PSMD12: variants seen among roughly 807,000 people sequenced by gnomAD.
The protein encoded by PSMD12 is proteasome 26S subunit, non-ATPase 12.
PSMD12 carries 8 observed loss-of-function variants against 62.9 expected under a neutral mutation model. The ratio of observed to expected loss-of-function variants is 0.13; its 90% CI spans 0.07 to 0.23. The LOEUF (loss-of-function observed/expected upper bound fraction) is 0.23, where lower values mean the gene tolerates loss of function less well. Ranked by LOEUF, PSMD12 falls within the 10% of genes least tolerant of loss-of-function variation. The pLI, the probability that PSMD12 is intolerant of heterozygous loss-of-function variation, is 1.00. For synonymous variants in PSMD12, 173 were observed against 187.4 expected, an observed-to-expected ratio of 0.92 and a Z score of 0.63; for missense variants, 424 against 550.2, an observed-to-expected ratio of 0.77 and a Z score of 2.29.
chr17:67,348,491 C>A, intron 5 of PSMD12, 59 bp downstream of exon 5: 1 of 1,369,706 alleles, frequency 7.3e-7, no homozygotes, highest in Non-Finnish European at 1.0e-6. Context: ...CCTATATTTC[C>A]ATTAGAAAAT....
chr17:67,347,827 TG>T (rs1461904323), intron 5 of PSMD12, among the ~76,000 whole-genome samples: 3 of 152,216 alleles, frequency 2.0e-5, no homozygotes, highest in Non-Finnish European at 4.4e-5. Context: ...AGACATCCAG[TG>T]ATCTGTACTT....
At chr17:67,345,187 C>T (rs2041953214) in intron 8 of PSMD12, among the ~76,000 whole-genome samples, 1 of 152,180 alleles carries the variant, frequency 6.6e-6, no homozygotes, top group African/African-American at 2.4e-5. Flanking sequence ...TAATCAAAAG[C>T]TGCAAATGTA....
chr17:67,365,724 T>A (rs2042172759), intron 1 of PSMD12, among the ~76,000 whole-genome samples: 1 of 152,164 alleles, frequency 6.6e-6, no homozygotes, highest in Non-Finnish European at 1.5e-5. Flanking sequence ...TGTAGTTCCG[T>A]CTTCAGTAAT....
At chr17:67,360,869 C>T (rs1459922786) in intron 1 of PSMD12, among the ~76,000 whole-genome samples, 3 of 152,170 alleles carry the variant, frequency 2.0e-5, no homozygotes, top group Non-Finnish European at 2.9e-5. Context: ...CAAACTATAC[C>T]GTTGACAATT....
rs796654672 is a variant in PSMD12, at chr17:67,364,595, T to C, written c.108+1817A>G. Among the ~76,000 whole-genome samples the C allele has an allele frequency of 5.3e-5, 8 of 152,294 alleles. No homozygotes were observed. The South Asian group carries it at 1.2e-3, about 24-fold the overall frequency. On this transcript the variant is annotated intron_variant, in intron 1 of 10. Coordinates refer to ENST00000356126, the MANE Select transcript of PSMD12 (RefSeq NM_002816.5). Reference sequence around the variant, plus strand: ...TTTGGTTGTCCTTCTCTAGAGCAAATTACTTGTTTCTTCCTTATGGACACT... The same window carrying C: ...TTTGGTTGTCCTTCTCTAGAGCAAACTACTTGTTTCTTCCTTATGGACACT...
chr17:67,346,927 C>T (rs1158169901), intron 7 of PSMD12, among the ~76,000 whole-genome samples, 189 bp downstream of exon 7: 1 of 152,114 alleles, frequency 6.6e-6, no homozygotes, highest in East Asian at 1.9e-4. Context: ...CTACATTTCT[C>T]CAAAAGTGAG....
chr17:67,342,748 G>GAAC (rs893193170), intron 9 of PSMD12, among the ~76,000 whole-genome samples: 2 of 152,124 alleles, frequency 1.3e-5, no homozygotes, highest in African/African-American at 4.8e-5. Context: ...ACCAGCCTGG[G>GAAC]AACACAGCAA....
chr17:67,364,281 A>T, intron 1 of PSMD12, among the ~76,000 whole-genome samples: 1 of 152,058 alleles, frequency 6.6e-6, no homozygotes, highest in Non-Finnish European at 1.5e-5. Context: ...AGGCCCCAAC[A>T]TTCTTTTTTT....
intron 1 of PSMD12, among the ~76,000 whole-genome samples, chr17:67,359,613 C>T (rs780965493): frequency 3.0e-4 from 46 of 152,086 alleles, no homozygotes; most frequent in Non-Finnish European, 5.7e-4. Flanking sequence ...AATACTGCTG[C>T]CATATTTTTC....
intron 3 of PSMD12, among the ~76,000 whole-genome samples, chr17:67,350,697 C>A (rs754361432): frequency 6.6e-6 from 1 of 152,126 alleles, no homozygotes; most frequent in African/African-American, 2.4e-5. Context: ...AAAGGCGAAA[C>A]GGTTCTACCA....
intron 10 of PSMD12, among the ~76,000 whole-genome samples, 195 bp from the exon 11 acceptor site, chr17:67,341,247 T>C (rs776830561): frequency 5.6e-4 from 85 of 151,834 alleles, no homozygotes; most frequent in Non-Finnish European, 2.1e-4. Flanking sequence ...ATTGGGTGAA[T>C]CACTTGAGGT....
rs2041874746 is a variant in PSMD12 at position 67,337,991 on chromosome 17, T to G, written c.*2852A>C. The G allele has an allele frequency of 6.6e-6, 1 of 152,178 alleles. No homozygotes were observed. The highest frequency in any genetic ancestry group is 1.5e-5 in the Non-Finnish European group (1 of 68,036). The allele number at this position is 152,178 out of a possible 1,614,324, so 9.4% of individuals were successfully genotyped here. ...AATTAGTGTTTTTATTGCTGCTATA[T>G]CCAAGAGCTGAAAACAATTTAAAAT... is the stretch of plus-strand genomic sequence containing the variant. On this transcript the variant is annotated 3_prime_UTR_variant, in exon 11 of 11. Coordinates refer to ENST00000356126, the MANE Select transcript of PSMD12 (RefSeq NM_002816.5).
intron 3 of PSMD12, among the ~76,000 whole-genome samples, chr17:67,354,268 G>A (rs2042046075): frequency 6.6e-6 from 1 of 152,170 alleles, no homozygotes; most frequent in African/African-American, 2.4e-5. Flanking sequence ...AAAATTAACT[G>A]GGTGTGATGG....
At chr17:67,346,335 C>T (rs190330131) in intron 7 of PSMD12, among the ~76,000 whole-genome samples, 9 of 150,986 alleles carry the variant, frequency 6.0e-5, no homozygotes, top group African/African-American at 2.2e-4. Context: ...GAGGAGCTTG[C>T]AGTGAGCCGA....
intron 3 of PSMD12, among the ~76,000 whole-genome samples, chr17:67,354,051 T>C (rs767178550): frequency 1.3e-4 from 20 of 152,258 alleles, no homozygotes; most frequent in Non-Finnish European, 2.6e-4. Context: ...GCAAGAACTA[T>C]AGGCTGCATG....
chr17:67,352,830 T>A (rs2042030681), intron 3 of PSMD12, among the ~76,000 whole-genome samples: 1 of 152,196 alleles, frequency 6.6e-6, no homozygotes, highest in Non-Finnish European at 1.5e-5. Flanking sequence ...CATCTCAGTC[T>A]CATGTGATCC....
rs899836772 is a variant in PSMD12, at chr17:67,339,947, G to C, written c.*896C>G. 1 of 151,246 alleles carries C rather than the reference G, an allele frequency of 6.6e-6. No homozygotes were observed. Among genetic ancestry groups the C allele is most frequent in the African/African-American group, 2.4e-5 (1 of 41,120 alleles). 9.4% of individuals were successfully genotyped at this position (151,246 alleles called of 1,614,324 possible). Reference sequence around the variant, plus strand: ...TAGGTTATCCAGTGTTCATATAATGGAACTAAAAGTTCCTACAGAGATAAT... The same window carrying C: ...TAGGTTATCCAGTGTTCATATAATGCAACTAAAAGTTCCTACAGAGATAAT... On this transcript the variant is annotated 3_prime_UTR_variant, in exon 11 of 11. Coordinates refer to ENST00000356126, the MANE Select transcript of PSMD12 (RefSeq NM_002816.5).
rs1474566366 is a variant in PSMD12 at position 67,358,549 on chromosome 17, C to CAA, written c.109-972_109-971insTT. ...CACCACTGCACTCTAGCATGGGCGA[C>CAA]AGAGTGAGAACCTGTCTCAAAAAAA... On this transcript the variant is annotated intron_variant, in intron 1 of 10. Coordinates refer to ENST00000356126, the MANE Select transcript of PSMD12 (RefSeq NM_002816.5). 3.8e-5 allele frequency among the ~76,000 whole-genome samples: 4 copies of CAA among 104,532 alleles called. No individual in the cohort carries two copies. The East Asian group carries it at 8.7e-4, about 23-fold the overall frequency. 68.6% of individuals were successfully genotyped at this position (104,532 alleles called of 152,430 possible). A position where few individuals can be genotyped will look rare whatever the true frequency, so the allele number is the denominator to read the frequency against.
In PSMD12 at chr17:67,340,743, G is replaced by A; in HGVS notation, c.*100C>T. 1.1e-6 allele frequency: 1 copy of A among 906,302 alleles called. No individual in the cohort carries two copies. The highest frequency in any genetic ancestry group is 1.6e-6 in the Non-Finnish European group (1 of 633,604). 56.1% of individuals were successfully genotyped at this position (906,302 alleles called of 1,614,324 possible). A position where few individuals can be genotyped will look rare whatever the true frequency, so the allele number is the denominator to read the frequency against. ...ACATATTCACTATTTTAAAATTTAA[G>A]ACAAAGAAGCTTAGAAAAAAAACCC... On this transcript the variant is annotated 3_prime_UTR_variant, in exon 11 of 11. Transcript: ENST00000356126.
Sources: gnomAD v4.1 joint callset for allele counts (sites outside exome capture counted in the v4.1 genomes callset) on GRCh38, gnomAD v4.1.1 for gene constraint, MANE v1.5 for transcripts, NCBI Gene and HGNC (gene_info 2026-07-23, HGNC 2026-07-21) for gene names.